CDC20B: variants seen among roughly 807,000 people sequenced by gnomAD.
The protein encoded by CDC20B is cell division cycle 20B.
Under a neutral mutation model 64.1 loss-of-function variants are expected in CDC20B, and 58 were observed. The ratio of observed to expected loss-of-function variants is 0.90; its 90% CI spans 0.73 to 1.13. CDC20B has a LOEUF of 1.13. Ranked by LOEUF, CDC20B falls within the 50% of genes most tolerant of loss-of-function variation. The pLI, the probability that CDC20B is intolerant of heterozygous loss-of-function variation, is 0.00. For synonymous variants in CDC20B, 243 were observed against 230.6 expected, an observed-to-expected ratio of 1.05 and a Z score of -0.49; for missense variants, 597 against 633.0, an observed-to-expected ratio of 0.94 and a Z score of 0.61.
chr5:55,162,360 A>G (rs1215654437), intron 2 of CDC20B, among the ~76,000 whole-genome samples: 1 of 152,176 alleles, frequency 6.6e-6, no homozygotes, highest in Non-Finnish European at 1.5e-5. Context: ...GCGCTACTGC[A>G]CTCCAGCCTG....
chr5:55,115,216 T>C (rs1742594449), intron 11 of CDC20B, among the ~76,000 whole-genome samples: 1 of 152,226 alleles, frequency 6.6e-6, no homozygotes, highest in Non-Finnish European at 1.5e-5. Context: ...TGTTAAATTA[T>C]TATTTGCCAA....
intron 2 of CDC20B, among the ~76,000 whole-genome samples, chr5:55,170,919 T>C (rs534042850): frequency 8.5e-5 from 13 of 152,188 alleles, no homozygotes; most frequent in Non-Finnish European, 1.9e-4. Flanking sequence ...ACATAAAAGT[T>C]AAACAAAAAC....
chr5:55,114,325 GAAGAAGGAAAGA>G lies in CDC20B; in HGVS notation c.1460-19_1460-8del. On this transcript the variant is annotated splice_region_variant and splice_polypyrimidine_tract_variant and intron_variant, in intron 11 of 11. Transcript: ENST00000381375. This position sits in a 1 kb window ranked among gnomAD's most constrained non-coding sequence, Gnocchi z 4.1. ...AGCACTCTGCCCCTGTGGCCTGGGGGAAGAAGGAAAGACAGTTCATACTCCTCCACGTTACAT... is the reference window on the plus strand; with the variant it reads ...AGCACTCTGCCCCTGTGGCCTGGGGGCAGTTCATACTCCTCCACGTTACAT... 1 of 1,613,152 alleles carries G rather than the reference GAAGAAGGAAAGA, an allele frequency of 6.2e-7. No homozygotes were observed. Among genetic ancestry groups the G allele is most frequent in the South Asian group, 1.1e-5 (1 of 90,940 alleles).
intron 9 of CDC20B, among the ~76,000 whole-genome samples, chr5:55,123,894 T>C (rs540997346): frequency 4.7e-4 from 72 of 152,268 alleles, no homozygotes; most frequent in East Asian, 1.2e-3. Flanking sequence ...GCCAGTACAA[T>C]GTAGTGGCAG....
chr5:55,114,351 T>TGTGG lies in CDC20B; in HGVS notation c.1460-34_1460-33insCCAC. 1 of 1,610,256 alleles carries TGTGG rather than the reference T, an allele frequency of 6.2e-7. No homozygotes were observed. The highest frequency in any genetic ancestry group is 1.1e-5 in the South Asian group (1 of 90,494). On this transcript the variant is annotated intron_variant, in intron 11 of 11. Transcript: ENST00000381375. The surrounding 1 kb of genome is among the most constrained non-coding windows in gnomAD (Gnocchi z 4.1). ...AAGAAGGAAAGACAGTTCATACTCC[T>TGTGG]CCACGTTACATGGGCTGCTGCTCAG... is the stretch of plus-strand genomic sequence containing the variant.
At chr5:55,119,731 A>T (rs1742710698) in intron 11 of CDC20B, 70 bp downstream of exon 11, 2 of 945,016 alleles carry the variant, frequency 2.1e-6, no homozygotes, top group Non-Finnish European at 1.7e-6. Context: ...TCTTTCATTC[A>T]GGGCTTTTCC....
chr5:55,120,598 T>C, intron 9 of CDC20B, 48 bp from the exon 10 acceptor site: 1 of 1,604,402 alleles, frequency 6.2e-7, no homozygotes, highest in Non-Finnish European at 8.5e-7. Context: ...TCAAAGGAGG[T>C]GCACTCATGA....
intron 2 of CDC20B, chr5:55,166,602 G>A (rs1451072075): frequency 6.6e-6 from 1 of 152,212 alleles, no homozygotes; most frequent in Non-Finnish European, 1.5e-5. Flanking sequence ...AGGAATACCA[G>A]CGGACAAACA....
chr5:55,124,769 A>G (rs1173105393), intron 9 of CDC20B, 34 bp downstream of exon 9: 5 of 1,573,050 alleles, frequency 3.2e-6, no homozygotes, highest in Non-Finnish European at 3.5e-6. Flanking sequence ...GCCTCTGAGT[A>G]ACAGGAAACC....
chr5:55,132,559 A>T (rs1480865139), intron 6 of CDC20B, among the ~76,000 whole-genome samples: 5 of 152,196 alleles, frequency 3.3e-5, no homozygotes, highest in Non-Finnish European at 7.3e-5. Flanking sequence ...AAAACTTGGA[A>T]TAATCATGAA....
At chr5:55,137,829 G>T (rs1249635905) in intron 5 of CDC20B, among the ~76,000 whole-genome samples, 1 of 152,166 alleles carries the variant, frequency 6.6e-6, no homozygotes, top group Non-Finnish European at 1.5e-5. Flanking sequence ...CTAGACAGTG[G>T]ATAAAGGATT....
intron 2 of CDC20B, chr5:55,165,328 A>G (rs1318721399): frequency 2.0e-5 from 3 of 152,174 alleles, no homozygotes; most frequent in African/African-American, 4.8e-5. Flanking sequence ...CAACCTGCCA[A>G]GTTGGTGAAG....
At chr5:55,134,203 A>G (rs1743101094) in intron 5 of CDC20B, among the ~76,000 whole-genome samples, 1 of 152,176 alleles carries the variant, frequency 6.6e-6, no homozygotes, top group Non-Finnish European at 1.5e-5. Context: ...TCAGCTTGTG[A>G]TCAAACTGAG....
intron 9 of CDC20B, among the ~76,000 whole-genome samples, chr5:55,121,591 C>T (rs1742757799): frequency 6.6e-6 from 1 of 151,866 alleles, no homozygotes. Flanking sequence ...TTCTACATGT[C>T]TTTTTTTCTG....
intron 11 of CDC20B, among the ~76,000 whole-genome samples, chr5:55,119,597 T>C (rs1742707753): frequency 6.6e-6 from 1 of 152,198 alleles, no homozygotes; most frequent in African/African-American, 2.4e-5. Flanking sequence ...GATGACTTAA[T>C]TTAAAGTGAT....
intron 6 of CDC20B, among the ~76,000 whole-genome samples, chr5:55,130,362 TG>T (rs1427129247): frequency 6.6e-6 from 1 of 152,148 alleles, no homozygotes; most frequent in African/African-American, 2.4e-5. Flanking sequence ...TCTTAAAGAA[TG>T]AAGCCTCAGC....
rs1742920457 is a variant in CDC20B at position 55,127,361 on chromosome 5, T to A, written c.895-10A>T. The A allele has an allele frequency of 6.2e-7, 1 of 1,610,394 alleles. No homozygotes were observed. Among genetic ancestry groups the A allele is most frequent in the Admixed American group, 1.7e-5 (1 of 59,982 alleles). On this transcript the variant is annotated splice_polypyrimidine_tract_variant and intron_variant, in intron 7 of 11. Coordinates refer to ENST00000381375, the MANE Select transcript of CDC20B (RefSeq NM_001170402.1). ...TTACCACATCCCATAACTGAAAAAATGAACAAGGAGAGTTATGTAGCATTG... is the reference window on the plus strand; with the variant it reads ...TTACCACATCCCATAACTGAAAAAAAGAACAAGGAGAGTTATGTAGCATTG...
At chr5:55,164,324 C>A in intron 2 of CDC20B, 1 of 783,066 alleles carries the variant, frequency 1.3e-6, no homozygotes, top group Non-Finnish European at 1.8e-6. Flanking sequence ...GTCACCCAGG[C>A]TGGAGTGCAG....
At chr5:55,142,542 T>C (rs538962449) in intron 4 of CDC20B, among the ~76,000 whole-genome samples, 7 of 152,190 alleles carry the variant, frequency 4.6e-5, no homozygotes, top group Non-Finnish European at 8.8e-5. Context: ...AAAGGAAGTC[T>C]TAAGGGGTAG....
Sources: allele counts gnomAD v4.1 joint callset (sites outside exome capture counted in the v4.1 genomes callset), GRCh38; gene constraint gnomAD v4.1.1; non-coding constraint Gnocchi (gnomAD v3.1); transcripts MANE v1.5; gene names NCBI Gene and HGNC (gene_info 2026-07-23, HGNC 2026-07-21).